Variants in SULT1A1 observed in about 807,000 individuals in gnomAD.
SULT1A1 encodes the protein sulfotransferase family 1A member 1.
A neutral mutation model predicts 36.8 loss-of-function variants in SULT1A1; 35 were observed. The observed-to-expected ratio is 0.95, with a 90% CI of 0.73 to 1.26. The LOEUF is 1.26. Among genes scored for constraint, SULT1A1 ranks in the 50% most tolerant of loss-of-function variants. The probability of loss-of-function intolerance (pLI) is 0.00; values close to 1 mark genes in which losing one functional copy is unlikely to be tolerated. For missense variants in SULT1A1, 309 were observed against 383.0 expected (o/e 0.81, Z 1.61); for synonymous variants, 119 against 146.0 (o/e 0.82, Z 1.33).
intron 3 of SULT1A1, 45 bp from the exon 4 acceptor site, chr16:28,608,433 C>T: frequency 1.2e-6 from 2 of 1,612,416 alleles, no homozygotes; most frequent in East Asian, 2.2e-5. Context: ...AAGCCCCAGC[C>T]CTGTCTTCCT....
At chr16:28,609,434 A>T in intron 1 of SULT1A1, 1 of 1,265,694 alleles carries the variant, frequency 7.9e-7, no homozygotes, top group Non-Finnish European at 1.0e-6. Context: ...TAGGGGCCAG[A>T]GCTGCTGTGG....
At chr16:28,616,384 G>A (rs746860391) in intron 2 of SULT1A1, among the ~76,000 whole-genome samples, 5 of 151,998 alleles carry the variant, frequency 3.3e-5, no homozygotes, top group Non-Finnish European at 5.9e-5. Context: ...GTGGCTTGCC[G>A]CCCACAATTC....
rs115812810 is a variant in SULT1A1, at chr16:28,609,892, G to C, written c.-5+39C>G. The C allele has an allele frequency of 4.4e-3, 5,576 of 1,266,286 alleles. 191 individuals carry two copies. In the African/African-American group the frequency reaches 0.069, roughly 16 times the overall value. The allele number at this position is 1,266,286 out of a possible 1,614,324, so 78.4% of individuals were successfully genotyped here. The stretch of plus-strand genomic sequence containing the variant: ...GAATGTTAGAGCCACAAGCTGAGCA[G>C]GGTGAGGGCGCCCTGGGCCGTTCCA... On this transcript the variant is annotated intron_variant, in intron 1 of 7. Transcript: ENST00000314752.
chr16:28,620,563 C>CAAA lies in SULT1A1; in HGVS notation c.68-433_68-431dup, dbSNP rs5816469. Among the ~76,000 whole-genome samples, 19 of 90,804 alleles carry CAAA rather than the reference C, an allele frequency of 2.1e-4. No homozygotes were observed. The South Asian group carries it at 4.8e-3, about 23-fold the overall frequency. 59.6% of individuals were successfully genotyped at this position (90,804 alleles called of 152,430 possible). ...TGGACAACATAGCAAGACCCTGTCT[C>CAAA]AAAAAAAAAAAAAAAAAAAAGAACA... On this transcript the variant is annotated intron_variant, in intron 1 of 5. Transcript: ENST00000350842.
chr16:28,607,821 T>C (rs2047276999), intron 4 of SULT1A1: 1 of 153,148 alleles, frequency 6.5e-6, no homozygotes, highest in Non-Finnish European at 1.4e-5. Context: ...TATGCCACCA[T>C]GCCCTGCTGA....
chr16:28,610,051 G>A (rs764336236), upstream of SULT1A1: 44 of 1,278,472 alleles, frequency 3.4e-5, no homozygotes, highest in South Asian at 5.4e-4. Context: ...CTGTGGGAGG[G>A]ATCTGGAGCC....
At chr16:28,606,304 T>A (rs1168610926) in intron 6 of SULT1A1, 68 bp from the exon 7 acceptor site, 13 of 1,608,078 alleles carry the variant, frequency 8.1e-6, no homozygotes. Flanking sequence ...AGGGGTCCCC[T>A]TCTCTAACCT....
Position 28,605,964 on chromosome 16 carries a change from A to T in SULT1A1, c.776-31T>A, listed in dbSNP as rs868488314. On this transcript the variant is annotated intron_variant, in intron 7 of 7. Transcript: ENST00000314752. ...GGAGGAAGGCAGGGAGCAAAGCTGG[A>T]GTCTCATCCCAGGGGAGGCCCCAAG... 19 of 1,603,174 alleles carry T rather than the reference A, an allele frequency of 1.2e-5. 1 individual carries two copies. Among genetic ancestry groups the T allele is most frequent in the Non-Finnish European group, 1.5e-5 (18 of 1,173,018 alleles).
intron 2 of SULT1A1, among the ~76,000 whole-genome samples, chr16:28,616,096 C>CT (rs2151715855): frequency 6.6e-6 from 1 of 152,260 alleles, no homozygotes; most frequent in African/African-American, 2.4e-5. Flanking sequence ...TCTGGTGGCC[C>CT]TGTCCAGGCA....
rs1341849244 is a variant in SULT1A1, at chr16:28,608,299, T to G, written c.364A>C (p.Lys122Gln). Residue 122 changes from lysine (K) to glutamine (Q), a missense_variant, in exon 4 of 8, where the codon AAG becomes CAG. By Grantham distance (53) the Lys-to-Gln change is moderately conservative. Coordinates refer to ENST00000314752, the MANE Select transcript of SULT1A1 (RefSeq NM_001055.4). ...ALLPQTLLDQ[K>Q]VKVVYVARNA... ...ACTGTGCCCTGCCTCACCTTGACCTTCTGATCCAACAGAGTCTGGGGGAGC... is the reference window on the plus strand; with the variant it reads ...ACTGTGCCCTGCCTCACCTTGACCTGCTGATCCAACAGAGTCTGGGGGAGC... 6.2e-7 allele frequency: 1 copy of G among 1,612,206 alleles called. No homozygotes were observed. Among genetic ancestry groups the G allele is most frequent in the Non-Finnish European group, 8.5e-7 (1 of 1,178,650 alleles).
At chr16:28,620,200 AAG>A (rs1335773140) in intron 1 of SULT1A1, 7 of 1,488,434 alleles carry the variant, frequency 4.7e-6, no homozygotes, top group Non-Finnish European at 6.5e-6. Flanking sequence ...GTTCATGTTT[AAG>A]TTTACCATTC....
upstream of SULT1A1, chr16:28,610,264 G>GGTTTTTTTTTTTTTTT: frequency 5.8e-6 from 2 of 346,644 alleles, no homozygotes; most frequent in South Asian, 2.7e-5. Context: ...TTTTTTTTCT[G>GGTTTTTTTTTTTTTTT]TTTTTTTTTT....
intron 1 of SULT1A1, chr16:28,609,211 T>G: frequency 7.7e-7 from 1 of 1,303,848 alleles, no homozygotes; most frequent in Non-Finnish European, 9.9e-7. Context: ...AGGACCTTCC[T>G]GTGCTGTCTC....
intron 6 of SULT1A1, 83 bp downstream of exon 6, chr16:28,606,678 G>A: frequency 1.3e-6 from 2 of 1,571,176 alleles, no homozygotes; most frequent in East Asian, 4.5e-5. Flanking sequence ...TGCCCAGGGA[G>A]GGGGCTGGGT....
At chr16:28,623,006 C>T in intron 1 of SULT1A1, 1 of 1,311,366 alleles carries the variant, frequency 7.6e-7, no homozygotes, top group East Asian at 2.6e-5. Context: ...GTCTCAGAGC[C>T]CCGGCTCCTG....
rs1373430058 is a variant in SULT1A1, at chr16:28,621,857, A to G, written c.67+1274T>C. Among the ~76,000 whole-genome samples, 4 of 152,312 alleles carry G rather than the reference A, an allele frequency of 2.6e-5. No homozygotes were observed. The East Asian group carries it at 7.7e-4, about 29-fold the overall frequency. On this transcript the variant is annotated intron_variant, in intron 1 of 5. Coordinates refer to the SULT1A1 transcript ENST00000350842. ...CAGGGACCCTCCTGTGAGCAGATGG[A>G]GGATCTCCAAAGATTACAAGAATTT...
intron 1 of SULT1A1, among the ~76,000 whole-genome samples, chr16:28,622,172 C>G (rs1220729299): frequency 6.6e-6 from 1 of 152,158 alleles, no homozygotes; most frequent in Non-Finnish European, 1.5e-5. Context: ...TCCATCACCC[C>G]ATAAAACCCT....
intron 2 of SULT1A1, among the ~76,000 whole-genome samples, chr16:28,616,719 G>A (rs879304565): frequency 2.6e-5 from 4 of 151,904 alleles, no homozygotes; most frequent in African/African-American, 7.3e-5. Flanking sequence ...CACCACACCC[G>A]ACGTACTTCA....
chr16:28,610,290 T>TC (rs1490622758), upstream of SULT1A1: 10 of 1,046,520 alleles, frequency 9.6e-6, no homozygotes, highest in African/African-American at 9.2e-5. Context: ...TTTTTTTTTT[T>TC]CCGAGCTGTC....
Sources: gnomAD v4.1 joint callset for allele counts (sites outside exome capture counted in the v4.1 genomes callset) on GRCh38, gnomAD v4.1.1 for gene constraint, MANE v1.5 for transcripts, NCBI Gene and HGNC (gene_info 2026-07-23, HGNC 2026-07-21) for gene names.